PHLPP2: variants seen among roughly 807,000 people sequenced by gnomAD.
PHLPP2 encodes the protein PH domain leucine-rich repeat-containing protein phosphatase 2.
Under a neutral mutation model 124.9 loss-of-function variants are expected in PHLPP2, and 66 were observed. The observed-to-expected ratio is 0.53, with a 90% CI of 0.43 to 0.65. The LOEUF (loss-of-function observed/expected upper bound fraction) is 0.65. Among genes scored for constraint, PHLPP2 ranks in the 30% least tolerant of loss-of-function variants. The pLI is 0.00. For synonymous variants in PHLPP2, 681 were observed against 624.7 expected (o/e 1.09, Z -1.34); for missense variants, 1,685 against 1,600.4 (o/e 1.05, Z -0.90).
At chr16:71,659,222 G>T (rs1475303836) in intron 13 of PHLPP2, among the ~76,000 whole-genome samples, 1 of 150,772 alleles carries the variant, frequency 6.6e-6, no homozygotes, top group Non-Finnish European at 1.5e-5. Context: ...AATGAAAAAT[G>T]AGGTTGTACT....
chr16:71,676,398 C>G (rs200289947), intron 9 of PHLPP2, 49 bp downstream of exon 9: 1 of 1,478,798 alleles, frequency 6.8e-7, no homozygotes, highest in East Asian at 2.3e-5. Flanking sequence ...TCAGAAAGCA[C>G]TGACAACAGC....
At chr16:71,668,957 C>T (rs999904852) in intron 11 of PHLPP2, among the ~76,000 whole-genome samples, 8 of 152,168 alleles carry the variant, frequency 5.3e-5, no homozygotes, top group African/African-American at 1.9e-4. Context: ...TAGAACATTG[C>T]TCAGCTTATA....
At chr16:71,670,039 A>C (rs2044877346) in intron 10 of PHLPP2, among the ~76,000 whole-genome samples, 1 of 152,212 alleles carries the variant, frequency 6.6e-6, no homozygotes, top group Non-Finnish European at 1.5e-5. Flanking sequence ...TTTACCTAAA[A>C]TGGATCAAAA....
Position 71,649,169 on chromosome 16 carries a change from G to C in PHLPP2, c.3693C>G (p.Ser1231=), listed in dbSNP as rs550063289. The change falls in exon 19 of 19, where the codon TCC becomes TCG. Residue 1231 remains serine (S), a synonymous_variant. Coordinates refer to ENST00000568954, the MANE Select transcript of PHLPP2 (RefSeq NM_015020.3). ...KDRMELQKSP[S]TSCLYGKKLS... Reference sequence around the variant, plus strand: ...GTTTCTTCCCATAGAGGCAGGAGGTGGAGGGAGACTTCTGTAACTCCATCC... The same window carrying C: ...GTTTCTTCCCATAGAGGCAGGAGGTCGAGGGAGACTTCTGTAACTCCATCC... The C allele has an allele frequency of 6.2e-7, 1 of 1,614,172 alleles. No individual in the cohort carries two copies. Among genetic ancestry groups the C allele is most frequent in the African/African-American group, 1.3e-5 (1 of 75,054 alleles).
At position 71,715,831 on chromosome 16, in the gene PHLPP2, A is replaced by C. The variant is rs902384892; in HGVS notation, c.-6-1030T>G. On this transcript the variant is annotated intron_variant, in intron 1 of 18. Coordinates refer to ENST00000568954, the MANE Select transcript of PHLPP2 (RefSeq NM_015020.3). Reference sequence around the variant, plus strand: ...CATCTCCACTAAAAATACAAAAAAAAAAAAAAAACAAAAAATTAGCCGAGT... The same window carrying C: ...CATCTCCACTAAAAATACAAAAAAACAAAAAAAACAAAAAATTAGCCGAGT... Among the ~76,000 whole-genome samples the C allele has an allele frequency of 4.3e-3, 644 of 150,708 alleles. 5 individuals carry two copies. The highest frequency in any genetic ancestry group is 0.015 in the African/African-American group (600 of 40,726).
chr16:71,677,669 A>C (rs2044960288), intron 8 of PHLPP2: 1 of 151,556 alleles, frequency 6.6e-6, no homozygotes, highest in Non-Finnish European at 1.5e-5. Flanking sequence ...TACAAGCTAC[A>C]TCAATGGCTT....
In PHLPP2 at chr16:71,663,938, A is replaced by G; in HGVS notation, c.1946T>C (p.Leu649Ser). Residue 649 changes from leucine (L) to serine (S), a missense_variant, in exon 13 of 19, where the codon TTG becomes TCG. Physicochemically the swap from Leu to Ser is moderately radical, Grantham distance 145. Coordinates refer to ENST00000568954, the MANE Select transcript of PHLPP2 (RefSeq NM_015020.3). ...VLVGHLHLRI[L>S]HLANNQLQTF... ...CTGTAACTGATTGTTTGCAAGGTGCAAGATTCGCAGGTGCAGGTGCCCTAC... is the reference window on the plus strand; with the variant it reads ...CTGTAACTGATTGTTTGCAAGGTGCGAGATTCGCAGGTGCAGGTGCCCTAC... 1 of 1,614,224 alleles carries G rather than the reference A, an allele frequency of 6.2e-7. No individual in the cohort carries two copies. The highest frequency in any genetic ancestry group is 1.1e-5 in the South Asian group (1 of 91,086).
In PHLPP2 at chr16:71,681,721, G is replaced by A. The variant is rs759735197; in HGVS notation, c.890+30C>T. 2.6e-6 allele frequency: 4 copies of A among 1,567,152 alleles called. No homozygotes were observed. In the South Asian group the frequency reaches 3.6e-5, roughly 14 times the overall value. ...TACTGATTATGAGTTGGTTTTAACAGGTTAGTCTGGAAACCCATTCTCCAC... is the reference window on the plus strand; with the variant it reads ...TACTGATTATGAGTTGGTTTTAACAAGTTAGTCTGGAAACCCATTCTCCAC... On this transcript the variant is annotated intron_variant, in intron 6 of 18. Coordinates refer to ENST00000568954, the MANE Select transcript of PHLPP2 (RefSeq NM_015020.3).
At chr16:71,694,020 C>T (rs1216668280) in intron 3 of PHLPP2, among the ~76,000 whole-genome samples, 2 of 152,118 alleles carry the variant, frequency 1.3e-5, no homozygotes, top group East Asian at 1.9e-4. Flanking sequence ...TGGCAAAATC[C>T]CCATCTCTAC....
At chr16:71,710,302 A>T (rs1204310720) in intron 2 of PHLPP2, among the ~76,000 whole-genome samples, 1 of 152,196 alleles carries the variant, frequency 6.6e-6, no homozygotes, top group Admixed American at 6.5e-5. Context: ...CCACCAGATG[A>T]TCTCTCTAAG....
chr16:71,669,214 TTAAA>T (rs2044867790), intron 11 of PHLPP2, 57 bp downstream of exon 11: 1 of 1,201,628 alleles, frequency 8.3e-7, no homozygotes, highest in Non-Finnish European at 1.2e-6. Flanking sequence ...AGAAAAAAAT[TTAAA>T]TACGCACACA....
chr16:71,669,278 A>G lies in PHLPP2; in HGVS notation c.1625T>C (p.Val542Ala). ...ATATGCATCCAGGCACACATACCTCACGGGAACCTCTGTGAGAAGATTATA... is the reference window on the plus strand; with the variant it reads ...ATATGCATCCAGGCACACATACCTCGCGGGAACCTCTGTGAGAAGATTATA... ...VSYNLLTEVP[V>A]RILSSLSLRK... is the part of the protein sequence containing the mutation. The change falls in exon 11 of 19, where the codon GTG becomes GCG. Residue 542 changes from valine to alanine, a missense_variant. By Grantham distance (64) the Val-to-Ala change is moderately conservative. Coordinates refer to ENST00000568954, the MANE Select transcript of PHLPP2 (RefSeq NM_015020.3). 1 of 1,603,282 alleles carries G rather than the reference A, an allele frequency of 6.2e-7. No individual in the cohort carries two copies. Among genetic ancestry groups the G allele is most frequent in the Non-Finnish European group, 8.5e-7 (1 of 1,171,560 alleles).
chr16:71,711,092 G>A (rs769415973), intron 2 of PHLPP2, among the ~76,000 whole-genome samples: 6 of 152,180 alleles, frequency 3.9e-5, no homozygotes, highest in Non-Finnish European at 8.8e-5. Flanking sequence ...CACTTTGGGA[G>A]GCCGAGGCGG....
At chr16:71,718,184 C>T (rs1393215443) in intron 1 of PHLPP2, among the ~76,000 whole-genome samples, 1 of 152,138 alleles carries the variant, frequency 6.6e-6, no homozygotes, top group Non-Finnish European at 1.5e-5. Flanking sequence ...TGAGCCACCA[C>T]ACCAGGCCTG....
At chr16:71,687,223 G>C (rs1053192870) in intron 4 of PHLPP2, among the ~76,000 whole-genome samples, 1 of 152,082 alleles carries the variant, frequency 6.6e-6, no homozygotes, top group African/African-American at 2.4e-5. Flanking sequence ...TTGGTGACAG[G>C]TCTCTTCAAA....
At chr16:71,693,696 G>C (rs577628399) in intron 3 of PHLPP2, among the ~76,000 whole-genome samples, 1 of 152,186 alleles carries the variant, frequency 6.6e-6, no homozygotes, top group Non-Finnish European at 1.5e-5. Flanking sequence ...TGTGATTCAT[G>C]AACATGCAAT....
rs1351004947 is a variant in PHLPP2, at chr16:71,646,127, T to C, written c.*2763A>G. ...ATCCTCTGGGTAAAGTACTCGGAAGTAAATTACATTCACCTGGAGACAGAT... is the reference window on the plus strand; with the variant it reads ...ATCCTCTGGGTAAAGTACTCGGAAGCAAATTACATTCACCTGGAGACAGAT... On this transcript the variant is annotated 3_prime_UTR_variant, in exon 19 of 19. Transcript: ENST00000568954. 6.5e-6 allele frequency: 1 copy of C among 152,686 alleles called. No homozygotes were observed. The highest frequency in any genetic ancestry group is 1.5e-5 in the Non-Finnish European group (1 of 68,048). 9.5% of individuals were successfully genotyped at this position (152,686 alleles called of 1,614,324 possible).
At chr16:71,657,914 T>C (rs1286689645) in intron 15 of PHLPP2, among the ~76,000 whole-genome samples, 4 of 152,238 alleles carry the variant, frequency 2.6e-5, no homozygotes, top group East Asian at 1.9e-4. Context: ...TTTGATACAA[T>C]GAAGTCTTGG....
rs911180880 is a variant in PHLPP2 at position 71,704,347 on chromosome 16, A to G, written c.285-1616T>C. ...AAAACTTAATAATTATAGTATTAATAACTATAAGAAACATGATGCATTTCC... is the reference window on the plus strand; with the variant it reads ...AAAACTTAATAATTATAGTATTAATGACTATAAGAAACATGATGCATTTCC... On this transcript the variant is annotated intron_variant, in intron 2 of 18. Transcript: ENST00000568954. Among the ~76,000 whole-genome samples the G allele has an allele frequency of 2.6e-5, 4 of 151,470 alleles. No homozygotes were observed. The South Asian group carries it at 8.3e-4, about 32-fold the overall frequency.
Sources: allele counts gnomAD v4.1 joint callset (sites outside exome capture counted in the v4.1 genomes callset), GRCh38; gene constraint gnomAD v4.1.1; transcripts MANE v1.5; gene names NCBI Gene and HGNC (gene_info 2026-07-23, HGNC 2026-07-21).